Variants in ATP2B2 observed in about 807,000 individuals in gnomAD.
ATP2B2 encodes plasma membrane calcium-transporting ATPase 2.
In ATP2B2, 15 loss-of-function variants were observed where a neutral mutation model predicts 120.0. The observed-to-expected ratio is 0.12, with a 90% CI of 0.08 to 0.19. The LOEUF is 0.19. ATP2B2 is among the 10% of genes least tolerant of loss of function. The pLI, the probability that ATP2B2 is intolerant of heterozygous loss-of-function variation, is 1.00. For synonymous variants in ATP2B2, 694 were observed against 700.3 expected (o/e 0.99, Z 0.14); for missense variants, 1,045 against 1,719.8 (o/e 0.61, Z 6.94).
Position 10,519,823 on chromosome 3 carries a change from A to G in ATP2B2, c.-320+14216T>C, listed in dbSNP as rs563248043. On this transcript the variant is annotated intron_variant, in intron 3 of 21. Transcript: ENST00000646379. The stretch of plus-strand genomic sequence containing the variant: ...CAAACATTGGCTCAGAACTCACTCC[A>G]CTCTCTGTGCCAGCACTGATGCTGC... Among the ~76,000 whole-genome samples the G allele has an allele frequency of 4.6e-5, 7 of 152,212 alleles. No homozygotes were observed. In the South Asian group the frequency reaches 8.3e-4, roughly 18 times the overall value.
intron 12 of ATP2B2, among the ~76,000 whole-genome samples, chr3:10,364,406 A>T (rs1189976197): frequency 2.6e-5 from 4 of 152,202 alleles, no homozygotes; most frequent in Non-Finnish European, 5.9e-5. Flanking sequence ...AAAATAAAAA[A>T]TAACTTAAAA....
intron 2 of ATP2B2, among the ~76,000 whole-genome samples, chr3:10,588,020 A>G (rs1340713522): frequency 1.3e-5 from 2 of 152,258 alleles, no homozygotes; most frequent in Non-Finnish European, 2.9e-5. Flanking sequence ...CCGTGCCACT[A>G]GTACACTGAG....
chr3:10,372,133 T>G, intron 11 of ATP2B2, 82 bp from the exon 12 acceptor site: 1 of 1,592,002 alleles, frequency 6.3e-7, no homozygotes. Flanking sequence ...TGGGTAAACA[T>G]GCAGTAAATA....
chr3:10,510,052 G>T (rs1463484507), upstream of ATP2B2, among the ~76,000 whole-genome samples: 1 of 152,198 alleles, frequency 6.6e-6, no homozygotes, highest in East Asian at 1.9e-4. Context: ...GAGAGTAGGT[G>T]GCTTCCAACT....
At chr3:10,414,413 G>A (rs144771025) in intron 2 of ATP2B2, among the ~76,000 whole-genome samples, 220 of 152,288 alleles carry the variant, frequency 1.4e-3, no homozygotes, top group African/African-American at 5.1e-3. Context: ...ATTTGAATAG[G>A]TGTGGGGGTT....
intron 1 of ATP2B2, among the ~76,000 whole-genome samples, chr3:10,707,692 GC>G (rs2071918162): frequency 6.7e-6 from 1 of 148,386 alleles, no homozygotes; most frequent in South Asian, 2.3e-4. Context: ...ACCCCGGCCC[GC>G]CCCGCCCGCC....
At chr3:10,407,520 G>A (rs1049959544) in intron 3 of ATP2B2, among the ~76,000 whole-genome samples, 4 of 152,268 alleles carry the variant, frequency 2.6e-5, no homozygotes, top group South Asian at 2.1e-4. Flanking sequence ...AGGGCTGCCC[G>A]CCCTCTCAGA....
chr3:10,467,442 T>C (rs947836791), intron 1 of ATP2B2, among the ~76,000 whole-genome samples: 5 of 152,246 alleles, frequency 3.3e-5, no homozygotes, highest in Non-Finnish European at 5.9e-5. Flanking sequence ...GATCCCTCCA[T>C]GGGGCTTGAC....
chr3:10,333,828 T>C (rs150832710), intron 22 of ATP2B2, among the ~76,000 whole-genome samples: 1 of 152,268 alleles, frequency 6.6e-6, no homozygotes, highest in East Asian at 1.9e-4. Flanking sequence ...GCAAGGACTG[T>C]CAAGTTGGCT....
Position 10,342,903 on chromosome 3 carries a change from C to T in ATP2B2, c.2766G>A (p.Ser922=), listed in dbSNP as rs141086172. Residue 922 remains serine, a synonymous_variant, in exon 19 of 23, where the codon TCG becomes TCA. Transcript: ENST00000360273. This position sits in a 1 kb window ranked among gnomAD's most constrained non-coding sequence, Gnocchi z 4.4. The part of the protein sequence containing the change: ...WVNLIMDTFA[S]LALATEPPTE... ...TGGGCGGCTCAGTGGCCAGTGCCAG[C>T]GAGGCAAACGTGTCCATGATGAGGT... 72 of 1,613,944 alleles carry T rather than the reference C, an allele frequency of 4.5e-5. No individual in the cohort carries two copies. The highest frequency in any genetic ancestry group is 2.7e-4 in the African/African-American group (20 of 74,900).
At chr3:10,495,225 G>A (rs893420170) in intron 1 of ATP2B2, among the ~76,000 whole-genome samples, 9 of 152,312 alleles carry the variant, frequency 5.9e-5, no homozygotes, top group African/African-American at 2.2e-4. Context: ...TTGACGTCTG[G>A]CCCAAGCCAC....
At chr3:10,654,463 G>A (rs552473256) in intron 1 of ATP2B2, among the ~76,000 whole-genome samples, 9 of 152,214 alleles carry the variant, frequency 5.9e-5, no homozygotes, top group South Asian at 2.1e-4. Flanking sequence ...TGGATGAGGC[G>A]GGAAATGAAC....
At chr3:10,537,797 A>T (rs1037209893) in intron 2 of ATP2B2, among the ~76,000 whole-genome samples, 2 of 152,182 alleles carry the variant, frequency 1.3e-5, no homozygotes, top group Non-Finnish European at 2.9e-5. Flanking sequence ...AGTTTTTAAA[A>T]ATGCTCTTTA....
intron 1 of ATP2B2, among the ~76,000 whole-genome samples, chr3:10,664,621 A>G (rs969480079): frequency 5.3e-5 from 8 of 152,100 alleles, no homozygotes; most frequent in African/African-American, 1.7e-4. Context: ...AATCCTATTC[A>G]CCAAAACACT....
At chr3:10,516,556 T>A (rs2066880109) in intron 3 of ATP2B2, among the ~76,000 whole-genome samples, 1 of 152,118 alleles carries the variant, frequency 6.6e-6, no homozygotes, top group Admixed American at 6.5e-5. Context: ...CCCCATAACA[T>A]CCATTGCCAC....
chr3:10,461,878 T>A (rs1448352890), intron 1 of ATP2B2, among the ~76,000 whole-genome samples: 1 of 152,162 alleles, frequency 6.6e-6, no homozygotes, highest in Non-Finnish European at 1.5e-5. Context: ...CTTGGGTGGC[T>A]TCTGGTGAGG....
At chr3:10,687,100 G>C (rs955012197) in intron 1 of ATP2B2, among the ~76,000 whole-genome samples, 3 of 152,206 alleles carry the variant, frequency 2.0e-5, no homozygotes, top group Non-Finnish European at 4.4e-5. Context: ...CAGAAAAGTT[G>C]CAACTACATG....
chr3:10,470,737 G>A (rs918811759), intron 1 of ATP2B2, among the ~76,000 whole-genome samples: 1 of 152,148 alleles, frequency 6.6e-6, no homozygotes, highest in Non-Finnish European at 1.5e-5. Flanking sequence ...TTCCTCCAGC[G>A]TGGTGAGATT....
chr3:10,684,382 C>T (rs2071467133), intron 1 of ATP2B2, among the ~76,000 whole-genome samples: 1 of 152,186 alleles, frequency 6.6e-6, no homozygotes, highest in Non-Finnish European at 1.5e-5. Flanking sequence ...ATGATTTCAG[C>T]CTCTGGATTC....
Sources: allele counts gnomAD v4.1 joint callset (sites outside exome capture counted in the v4.1 genomes callset), GRCh38; gene constraint gnomAD v4.1.1; non-coding constraint Gnocchi (gnomAD v3.1); transcripts MANE v1.5; gene names NCBI Gene and HGNC (gene_info 2026-07-23, HGNC 2026-07-21).